The following GPC5 variants were observed in gnomAD, a reference collection of about 807,000 sequenced individuals.
GPC5 encodes glypican-5.
GPC5 carries 47 observed loss-of-function variants against 53.9 expected under a neutral mutation model. The ratio of observed to expected loss-of-function variants is 0.87; its 90% CI spans 0.69 to 1.11. The LOEUF is 1.11. Ranked by LOEUF, GPC5 falls within the 50% of genes most tolerant of loss-of-function variation. The pLI, the probability that GPC5 is intolerant of heterozygous loss-of-function variation, is 0.00. For missense variants in GPC5, 748 were observed against 713.1 expected (o/e 1.05, Z -0.56); for synonymous variants, 286 against 263.3 (o/e 1.09, Z -0.84).
intron 7 of GPC5, among the ~76,000 whole-genome samples, chr13:92,526,611 A>G (rs2138977844): frequency 6.6e-6 from 1 of 152,072 alleles, no homozygotes; most frequent in South Asian, 2.1e-4. Flanking sequence ...AATGCAGATG[A>G]CCTAATCAGA....
intron 7 of GPC5, among the ~76,000 whole-genome samples, chr13:92,747,594 A>G (rs1889270417): frequency 6.6e-6 from 1 of 152,186 alleles, no homozygotes; most frequent in Admixed American, 6.5e-5. Context: ...CATATATTAA[A>G]ATGACAAATT....
chr13:91,988,472 A>C (rs761783987), intron 6 of GPC5, among the ~76,000 whole-genome samples: 1 of 152,314 alleles, frequency 6.6e-6, no homozygotes, highest in Admixed American at 6.5e-5. Context: ...CCTATTAACT[A>C]CACAGGATTC....
At chr13:91,735,691 C>T (rs171060) in intron 4 of GPC5, among the ~76,000 whole-genome samples, 109,259 of 150,764 alleles carry the variant, frequency 0.72, 40,175 homozygotes, top group Middle Eastern at 0.82. Flanking sequence ...TAATGGTTGG[C>T]CTTTTGATCA....
At chr13:91,652,816 T>C (rs2034749000) in intron 2 of GPC5, among the ~76,000 whole-genome samples, 1 of 152,220 alleles carries the variant, frequency 6.6e-6, no homozygotes, top group Admixed American at 6.5e-5. Flanking sequence ...ATTGCTCATA[T>C]TGATAACCTA....
At chr13:91,973,870 C>T (rs956990566) in intron 6 of GPC5, among the ~76,000 whole-genome samples, 5 of 152,110 alleles carry the variant, frequency 3.3e-5, no homozygotes, top group African/African-American at 9.7e-5. Flanking sequence ...AGTACCCGGC[C>T]GTGTGAGGTG....
rs780990565 is a variant in GPC5 at position 92,041,780 on chromosome 13, G to A, written c.1402-103050G>A. Among the ~76,000 whole-genome samples the A allele has an allele frequency of 7.2e-5, 11 of 152,284 alleles. No individual in the cohort carries two copies. The East Asian group carries it at 1.4e-3, about 19-fold the overall frequency. On this transcript the variant is annotated intron_variant, in intron 6 of 7. Transcript: ENST00000377067. ...CATTCTTCAACATGAAACAACACTCGACGAAAGTGAGACATTATCAGCATA... is the reference window on the plus strand; with the variant it reads ...CATTCTTCAACATGAAACAACACTCAACGAAAGTGAGACATTATCAGCATA...
At chr13:91,474,605 A>C (rs560052989) in intron 2 of GPC5, among the ~76,000 whole-genome samples, 5 of 152,260 alleles carry the variant, frequency 3.3e-5, no homozygotes, top group African/African-American at 1.2e-4. Context: ...ACTTACAGAC[A>C]AAATTTGTAT....
chr13:91,628,258 C>CT (rs5805710), intron 2 of GPC5, among the ~76,000 whole-genome samples: 225 of 151,444 alleles, frequency 1.5e-3, no homozygotes, highest in African/African-American at 4.4e-3. Flanking sequence ...CTAGTTATAG[C>CT]TTTTTTTTTC....
intron 6 of GPC5, among the ~76,000 whole-genome samples, chr13:91,920,339 CAT>C: frequency 6.6e-6 from 1 of 151,984 alleles, no homozygotes; most frequent in African/African-American, 2.4e-5. Flanking sequence ...AAATCAAAGA[CAT>C]ATTAAACAAT....
In GPC5 at chr13:91,759,827, A is replaced by G. The variant is rs1335728338; in HGVS notation, c.1280+3407A>G. ...AAATTGATACATATTTATATCTGCT[A>G]CTGTGGAATGATGTCAAATAATTAA... On this transcript the variant is annotated intron_variant, in intron 5 of 7. Transcript: ENST00000377067. Among the ~76,000 whole-genome samples the G allele has an allele frequency of 3.9e-5, 6 of 152,116 alleles. No homozygotes were observed. The East Asian group carries it at 1.2e-3, about 29-fold the overall frequency.
chr13:92,365,158 A>C (rs745905503), intron 7 of GPC5, among the ~76,000 whole-genome samples: 12 of 151,756 alleles, frequency 7.9e-5, no homozygotes, highest in Non-Finnish European at 1.8e-4. Context: ...ACAGACCTTG[A>C]TGGTGTAGGG....
chr13:92,008,515 T>C (rs563526705), intron 6 of GPC5, among the ~76,000 whole-genome samples: 1 of 152,240 alleles, frequency 6.6e-6, no homozygotes, highest in Admixed American at 6.5e-5. Flanking sequence ...CAGCACATTC[T>C]TTCAGTGTTT....
chr13:92,202,354 T>C (rs1344014293), intron 7 of GPC5, among the ~76,000 whole-genome samples: 1 of 152,220 alleles, frequency 6.6e-6, no homozygotes, highest in African/African-American at 2.4e-5. Context: ...TTATTTTGAT[T>C]AGTGTTTATA....
chr13:92,753,159 T>C (rs1291858994), intron 7 of GPC5, among the ~76,000 whole-genome samples: 1 of 152,238 alleles, frequency 6.6e-6, no homozygotes, highest in African/African-American at 2.4e-5. Flanking sequence ...GCAGACTGCC[T>C]CCTAAAGTGG....
intron 7 of GPC5, among the ~76,000 whole-genome samples, chr13:92,258,357 T>G (rs779280414): frequency 2.6e-5 from 4 of 152,212 alleles, no homozygotes; most frequent in African/African-American, 7.2e-5. Context: ...TTTGTAGGCT[T>G]GTAATAAATA....
intron 5 of GPC5, among the ~76,000 whole-genome samples, chr13:91,838,731 C>T (rs1403187031): frequency 6.6e-6 from 1 of 152,068 alleles, no homozygotes; most frequent in Non-Finnish European, 1.5e-5. Flanking sequence ...GCACTGTCGT[C>T]GCTATGCAAG....
intron 2 of GPC5, among the ~76,000 whole-genome samples, chr13:91,628,799 A>G (rs2034080046): frequency 6.6e-6 from 1 of 152,156 alleles, no homozygotes; most frequent in South Asian, 2.1e-4. Context: ...GAATGTGCAT[A>G]TCAGTTCCAT....
intron 7 of GPC5, among the ~76,000 whole-genome samples, chr13:92,615,911 G>A (rs1478002419): frequency 2.0e-5 from 3 of 152,042 alleles, no homozygotes; most frequent in African/African-American, 2.4e-5. Context: ...AAAATTAGCC[G>A]GGCATAGTGG....
In GPC5 at chr13:92,848,253, T is replaced by C. The variant is rs117450910; in HGVS notation, c.1562-18029T>C. ...TCTATCCTGGGAAAAGGCCTTATTATGATGCAGATTTTACAGATGAAGAAA... is the reference window on the plus strand; with the variant it reads ...TCTATCCTGGGAAAAGGCCTTATTACGATGCAGATTTTACAGATGAAGAAA... On this transcript the variant is annotated intron_variant, in intron 7 of 7. Transcript: ENST00000377067. Among the ~76,000 whole-genome samples, 78 of 152,332 alleles carry C rather than the reference T, an allele frequency of 5.1e-4. No homozygotes were observed. In the East Asian group the frequency reaches 0.012, roughly 23 times the overall value.
Sources: allele counts gnomAD v4.1 joint callset (sites outside exome capture counted in the v4.1 genomes callset), GRCh38; gene constraint gnomAD v4.1.1; transcripts MANE v1.5; gene names NCBI Gene and HGNC (gene_info 2026-07-23, HGNC 2026-07-21).